Variants in ARHGAP5 observed in about 807,000 individuals in gnomAD.
ARHGAP5 encodes rho GTPase-activating protein 5.
Under a neutral mutation model 116.6 loss-of-function variants are expected in ARHGAP5, and 23 were observed. The observed-to-expected ratio is 0.20, with a 90% CI of 0.14 to 0.28. The LOEUF (loss-of-function observed/expected upper bound fraction) is 0.28, where lower values mean the gene tolerates loss of function less well. ARHGAP5 is among the 10% of genes least tolerant of loss of function. ARHGAP5 has a pLI of 1.00. For missense variants in ARHGAP5, 1,405 were observed against 1,774.8 expected, an observed-to-expected ratio of 0.79 and a Z score of 3.74; for synonymous variants, 574 against 602.0, an observed-to-expected ratio of 0.95 and a Z score of 0.68.
chr14:32,117,338 ATACACCAAC>A (rs963082673), intron 3 of ARHGAP5, 51 bp downstream of exon 3: 1 of 1,467,850 alleles, frequency 6.8e-7, no homozygotes, highest in African/African-American at 1.4e-5. Context: ...TTCACTTTTG[ATACACCAAC>A]AGTTTGTCAA....
intron 3 of ARHGAP5, among the ~76,000 whole-genome samples, chr14:32,120,157 C>T: frequency 6.6e-6 from 1 of 151,940 alleles, no homozygotes; most frequent in Non-Finnish European, 1.5e-5. Flanking sequence ...TTTATTTCTT[C>T]TGGAGTAAGC....
rs34512246 is a variant in ARHGAP5 at position 32,111,839 on chromosome 14, A to ATTTT, written c.3718-5281_3718-5278dup. Among the ~76,000 whole-genome samples, 58 of 93,138 alleles carry ATTTT rather than the reference A, an allele frequency of 6.2e-4. 1 individual carries two copies. The highest frequency in any genetic ancestry group is 1.5e-3 in the East Asian group (5 of 3,276). 61.1% of individuals were successfully genotyped at this position (93,138 alleles called of 152,430 possible). On this transcript the variant is annotated intron_variant, in intron 2 of 6. Transcript: ENST00000345122. ...CATCTGTTGTCACGCTTCTTCTTTG[A>ATTTT]TTTTTTTTTTTTTTTTTTTTTTTGA...
intron 3 of ARHGAP5, among the ~76,000 whole-genome samples, chr14:32,128,832 TGTG>T (rs1880330526): frequency 6.6e-6 from 1 of 152,224 alleles, no homozygotes; most frequent in Non-Finnish European, 1.5e-5. Flanking sequence ...TGTGTTTTCT[TGTG>T]GTGTTTTTGT....
At position 32,152,434 on chromosome 14, in the gene ARHGAP5, A is replaced by G. The variant is rs1213476323; in HGVS notation, c.4087A>G (p.Lys1363Glu). 2 of 1,598,634 alleles carry G rather than the reference A, an allele frequency of 1.3e-6. No individual in the cohort carries two copies. The highest frequency in any genetic ancestry group is 1.1e-5 in the South Asian group (1 of 87,748). The change falls in exon 6 of 7, where the codon AAA becomes GAA. Residue 1363 changes from lysine (K) to glutamate (E), a missense_variant. By Grantham distance (56) the Lys-to-Glu change is moderately conservative. Around this residue, in one of 6 missense-constraint regions of ARHGAP5, gnomAD observed 176 missense variants for 221.2 expected, o/e 0.80. Transcript: ENST00000345122. Reference sequence around the variant, plus strand: ...TTTTAATTTTACAGAAATCCCGGATAAAACAGAACGTCTTCATGCCTTGAA... The same window carrying G: ...TTTTAATTTTACAGAAATCCCGGATGAAACAGAACGTCTTCATGCCTTGAA... ...ELLEAAKIPDKTERLHALKEI... is the reference protein window; with the variant it reads ...ELLEAAKIPDETERLHALKEI...
At chr14:32,145,268 G>A (rs73268977) in intron 3 of ARHGAP5, among the ~76,000 whole-genome samples, 1 of 152,148 alleles carries the variant, frequency 6.6e-6, no homozygotes, top group African/African-American at 2.4e-5. Flanking sequence ...TCCAGAAAGG[G>A]TAAAGAACTC....
intron 1 of ARHGAP5, among the ~76,000 whole-genome samples, chr14:32,078,936 T>A (rs1254336505): frequency 6.6e-6 from 1 of 152,258 alleles, no homozygotes; most frequent in East Asian, 1.9e-4. Flanking sequence ...ACTAGATAGT[T>A]TCTTGAGTAA....
rs1881831381 is a variant in ARHGAP5 at position 32,155,006 on chromosome 14, G to A, written c.*58G>A. ...ACAAAAAGCAAATCTAGACATGCAT[G>A]TTTCAGGGTTCAGTAGTATACTTCA... On this transcript the variant is annotated 3_prime_UTR_variant, in exon 7 of 7. Coordinates refer to ENST00000345122, the MANE Select transcript of ARHGAP5 (RefSeq NM_001030055.2). 11 of 1,454,196 alleles carry A rather than the reference G, an allele frequency of 7.6e-6. No individual in the cohort carries two copies. The South Asian group carries it at 1.1e-4, about 15-fold the overall frequency. The allele number at this position is 1,454,196 out of a possible 1,614,324, so 90.1% of individuals were successfully genotyped here. A position where few individuals can be genotyped will look rare whatever the true frequency, so the allele number is the denominator to read the frequency against.
Position 32,091,170 on chromosome 14 carries a change from A to G in ARHGAP5, c.501A>G (p.Gln167=), listed in dbSNP as rs760989435. 18 of 1,613,488 alleles carry G rather than the reference A, an allele frequency of 1.1e-5. No homozygotes were observed. In the South Asian group the frequency reaches 1.3e-4, roughly 12 times the overall value. ...DGFLLCIDVS[Q]GCNRKFDDQL... ...TTTTATTATGCATTGATGTAAGTCA[A>G]GGATGCAATAGGAAGTTTGATGATC... Residue 167 remains glutamine (Q), a synonymous_variant, in exon 2 of 7, where the codon CAA becomes CAG. Transcript: ENST00000345122.
At chr14:32,146,721 A>C (rs1024636845) in intron 4 of ARHGAP5, among the ~76,000 whole-genome samples, 2 of 152,176 alleles carry the variant, frequency 1.3e-5, no homozygotes, top group Non-Finnish European at 2.9e-5. Context: ...TAAATTTTTA[A>C]TGTAAGTATG....
At position 32,154,811 on chromosome 14, in the gene ARHGAP5, A is replaced by G; in HGVS notation, c.4372A>G (p.Thr1458Ala). The change falls in exon 7 of 7, where the codon ACA becomes GCA. Residue 1458 changes from threonine to alanine, a missense_variant. By Grantham distance (58) the Thr-to-Ala change is moderately conservative. This residue lies in a region of ARHGAP5 where 85 missense variants were observed against 96.6 expected (regional missense o/e 0.88). Coordinates refer to ENST00000345122, the MANE Select transcript of ARHGAP5 (RefSeq NM_001030055.2). Reference sequence around the variant, plus strand: ...TTACAATGGAGAAATTGTAGAAACGACAAACATTGTGGCTCCTCCACCACC... The same window carrying G: ...TTACAATGGAGAAATTGTAGAAACGGCAAACATTGTGGCTCCTCCACCACC... ...FFYNGEIVETTNIVAPPPPSN... is the reference protein window; with the variant it reads ...FFYNGEIVETANIVAPPPPSN... The G allele has an allele frequency of 6.2e-7, 1 of 1,614,200 alleles. No individual in the cohort carries two copies. Among genetic ancestry groups the G allele is most frequent in the Non-Finnish European group, 8.5e-7 (1 of 1,180,012 alleles).
At position 32,094,215 on chromosome 14, in the gene ARHGAP5, C is replaced by A. The variant is rs760633687; in HGVS notation, c.3546C>A (p.Thr1182=). ...ATGCCAGTGATGATGAGGCTTTCAC[C>A]ACTTCTAAAACAAAAAGAAAAGGAA... ...HSDASDDEAF[T]TSKTKRKGRH... Residue 1182 remains threonine (T), a synonymous_variant, in exon 2 of 7, where the codon ACC becomes ACA. Coordinates refer to ENST00000345122, the MANE Select transcript of ARHGAP5 (RefSeq NM_001030055.2). 6.2e-7 allele frequency: 1 copy of A among 1,612,710 alleles called. No homozygotes were observed. The highest frequency in any genetic ancestry group is 1.1e-5 in the South Asian group (1 of 90,770).
At chr14:32,136,273 A>G (rs1327244750) in intron 3 of ARHGAP5, among the ~76,000 whole-genome samples, 1 of 152,224 alleles carries the variant, frequency 6.6e-6, no homozygotes, top group Non-Finnish European at 1.5e-5. Context: ...TGCCCATTAA[A>G]GTCATTCCTC....
At chr14:32,142,360 C>T (rs917884306) in intron 3 of ARHGAP5, among the ~76,000 whole-genome samples, 3 of 152,144 alleles carry the variant, frequency 2.0e-5, no homozygotes, top group African/African-American at 7.2e-5. Context: ...TATGGCAGCT[C>T]TGGAAATGAA....
intron 3 of ARHGAP5, among the ~76,000 whole-genome samples, chr14:32,139,336 G>T (rs1319472210): frequency 1.3e-5 from 2 of 151,930 alleles, no homozygotes; most frequent in Admixed American, 6.6e-5. Context: ...AAAATATCTT[G>T]TATTGGGCTT....
At chr14:32,130,176 ATTTG>A (rs1386404809) in intron 3 of ARHGAP5, among the ~76,000 whole-genome samples, 19 of 150,466 alleles carry the variant, frequency 1.3e-4, no homozygotes, top group Admixed American at 1.2e-3. Context: ...TACCTAGTAA[ATTTG>A]TTTGTTGAAT....
intron 6 of ARHGAP5, among the ~76,000 whole-genome samples, chr14:32,152,803 C>G (rs1480846923): frequency 6.6e-6 from 1 of 152,114 alleles, no homozygotes; most frequent in African/African-American, 2.4e-5. Context: ...ACTCAGATAA[C>G]TAACCAGATT....
chr14:32,143,533 C>T (rs1420035866), intron 3 of ARHGAP5, among the ~76,000 whole-genome samples: 3 of 152,066 alleles, frequency 2.0e-5, no homozygotes, highest in Non-Finnish European at 4.4e-5. Flanking sequence ...CATGAGCCAC[C>T]GTGCCCAGCC....
intron 3 of ARHGAP5, among the ~76,000 whole-genome samples, chr14:32,131,909 T>C (rs538865344): frequency 3.5e-4 from 53 of 152,368 alleles, no homozygotes; most frequent in African/African-American, 1.2e-3. Context: ...ACAAAGGACA[T>C]GAACTCATCA....
At chr14:32,141,544 A>T in intron 3 of ARHGAP5, among the ~76,000 whole-genome samples, 1 of 152,184 alleles carries the variant, frequency 6.6e-6, no homozygotes, top group East Asian at 1.9e-4. Context: ...CAAAAATGAA[A>T]TACTGCTGGC....
Sources: gnomAD v4.1 joint callset for allele counts (sites outside exome capture counted in the v4.1 genomes callset) on GRCh38, gnomAD v4.1.1 for gene constraint, gnomAD v4.1.1 regional missense constraint, MANE v1.5 for transcripts, NCBI Gene and HGNC (gene_info 2026-07-23, HGNC 2026-07-21) for gene names.